Variants in PARD3B observed in about 807,000 individuals in gnomAD.
The protein encoded by PARD3B is partitioning defective 3 homolog B.
A neutral mutation model predicts 130.2 loss-of-function variants in PARD3B; 103 were observed. The ratio of observed to expected loss-of-function variants is 0.79; its 90% CI spans 0.67 to 0.93. PARD3B has a LOEUF of 0.93. Among genes scored for constraint, PARD3B ranks in the 40% least tolerant of loss-of-function variants. PARD3B has a pLI of 0.00. For missense variants in PARD3B, 1,609 were observed against 1,499.2 expected, an observed-to-expected ratio of 1.07 and a Z score of -1.21; for synonymous variants, 583 against 553.2, an observed-to-expected ratio of 1.05 and a Z score of -0.76.
chr2:204,738,256 T>C (rs1344920697), intron 2 of PARD3B, among the ~76,000 whole-genome samples: 1 of 152,206 alleles, frequency 6.6e-6, no homozygotes, highest in African/African-American at 2.4e-5. Context: ...TAGCAGTGTT[T>C]TGTAGTTCTC....
intron 1 of PARD3B, among the ~76,000 whole-genome samples, chr2:204,568,079 A>G (rs2031782608): frequency 6.6e-6 from 1 of 152,360 alleles, no homozygotes; most frequent in African/African-American, 2.4e-5. Context: ...TGACAAATCA[A>G]AAGGGCAAAT....
chr2:205,036,652 A>C (rs1038476964), intron 3 of PARD3B, among the ~76,000 whole-genome samples: 5 of 147,470 alleles, frequency 3.4e-5, no homozygotes, highest in African/African-American at 1.2e-4. Flanking sequence ...AAGTATATAT[A>C]CACAGCGGAC....
intron 2 of PARD3B, among the ~76,000 whole-genome samples, chr2:204,929,391 AT>A (rs1408893554): frequency 6.6e-6 from 1 of 152,126 alleles, no homozygotes; most frequent in Non-Finnish European, 1.5e-5. Context: ...AAGACAGCTT[AT>A]TTGTTGTTAT....
At chr2:204,567,870 A>G (rs2031767021) in intron 1 of PARD3B, among the ~76,000 whole-genome samples, 3 of 152,198 alleles carry the variant, frequency 2.0e-5, no homozygotes, top group Non-Finnish European at 2.9e-5. Flanking sequence ...CTCTGCCAAC[A>G]TTTATTTCTG....
Position 205,515,682 on chromosome 2 carries a change from G to A in PARD3B, c.3180+15651G>A, listed in dbSNP as rs142352098. Among the ~76,000 whole-genome samples, 43 of 152,108 alleles carry A rather than the reference G, an allele frequency of 2.8e-4. No homozygotes were observed. In the East Asian group the frequency reaches 8.3e-3, roughly 29 times the overall value. The stretch of plus-strand genomic sequence containing the variant: ...TGTAAATTTAAGTAAGTTCCTTATA[G>A]ATGCTGGATATTAAACATTTGTCAG... On this transcript the variant is annotated intron_variant, in intron 21 of 22. Transcript: ENST00000406610.
At chr2:204,741,873 G>C (rs560608470) in intron 2 of PARD3B, among the ~76,000 whole-genome samples, 2 of 151,982 alleles carry the variant, frequency 1.3e-5, no homozygotes, top group East Asian at 3.9e-4. Flanking sequence ...TTTCTTAAAG[G>C]ATTCAGCAAA....
chr2:204,642,916 A>G (rs2125155760), intron 1 of PARD3B, among the ~76,000 whole-genome samples: 1 of 151,318 alleles, frequency 6.6e-6, no homozygotes, highest in Admixed American at 6.6e-5. Context: ...GACCAAGACC[A>G]CCCTGGCTAA....
chr2:204,784,018 A>G (rs1020574535), intron 2 of PARD3B, among the ~76,000 whole-genome samples: 1 of 151,980 alleles, frequency 6.6e-6, no homozygotes, highest in East Asian at 1.9e-4. Context: ...TCAGAAGTGT[A>G]TTTTTCTGGA....
intron 2 of PARD3B, among the ~76,000 whole-genome samples, chr2:204,948,983 T>A (rs1287070255): frequency 6.6e-6 from 1 of 152,198 alleles, no homozygotes; most frequent in Non-Finnish European, 1.5e-5. Context: ...GAGTACTTTC[T>A]GAGAAAATGC....
At chr2:204,926,414 C>G (rs1267545041) in intron 2 of PARD3B, among the ~76,000 whole-genome samples, 1 of 152,028 alleles carries the variant, frequency 6.6e-6, no homozygotes, top group Non-Finnish European at 1.5e-5. Context: ...AAAGAAGTTC[C>G]TAGGTGAAAT....
chr2:205,457,066 T>C (rs1167420156), intron 20 of PARD3B, among the ~76,000 whole-genome samples: 1 of 151,428 alleles, frequency 6.6e-6, no homozygotes, highest in Non-Finnish European at 1.5e-5. Flanking sequence ...AGAACTCATG[T>C]TAATTTTTCT....
chr2:204,616,582 C>T (rs2034120959), intron 1 of PARD3B, among the ~76,000 whole-genome samples: 1 of 152,150 alleles, frequency 6.6e-6, no homozygotes, highest in Admixed American at 6.6e-5. Context: ...GCTAAACATA[C>T]CCTGACTGTA....
chr2:204,757,555 C>A (rs1430762928), intron 2 of PARD3B, among the ~76,000 whole-genome samples: 2 of 151,974 alleles, frequency 1.3e-5, no homozygotes, highest in African/African-American at 2.4e-5. Flanking sequence ...TGTAGGTCTT[C>A]TTTTGAGAAG....
intron 20 of PARD3B, among the ~76,000 whole-genome samples, chr2:205,489,054 G>A (rs898713023): frequency 6.6e-6 from 1 of 152,104 alleles, no homozygotes; most frequent in African/African-American, 2.4e-5. Context: ...TGCTTGTTTT[G>A]CAAAGATGTA....
intron 21 of PARD3B, among the ~76,000 whole-genome samples, chr2:205,514,278 A>G (rs991353145): frequency 3.4e-4 from 52 of 152,136 alleles, no homozygotes; most frequent in Non-Finnish European, 6.2e-4. Flanking sequence ...CAGGTAGTCA[A>G]GGTGGGTATT....
intron 2 of PARD3B, among the ~76,000 whole-genome samples, chr2:204,749,621 A>G (rs1305513068): frequency 1.3e-5 from 2 of 152,214 alleles, no homozygotes; most frequent in Non-Finnish European, 2.9e-5. Context: ...CAAAAAAAAG[A>G]TTAGAGATCT....
In PARD3B at chr2:205,146,523, C is replaced by T. The variant is rs1178779808; in HGVS notation, c.1435-12199C>T. On this transcript the variant is annotated intron_variant, in intron 10 of 22. Transcript: ENST00000406610. This position sits in a 1 kb window ranked among gnomAD's most constrained non-coding sequence, Gnocchi z 4.3. ...ACATTTATCTGGGCGTGGTGGCGGG[C>T]GCCTGTAGTCCCAGCTACTCGGGAG... is the stretch of plus-strand genomic sequence containing the variant. Among the ~76,000 whole-genome samples the T allele has an allele frequency of 1.3e-5, 2 of 151,606 alleles. No individual in the cohort carries two copies. The highest frequency in any genetic ancestry group is 2.9e-5 in the Non-Finnish European group (2 of 67,910).
intron 4 of PARD3B, among the ~76,000 whole-genome samples, chr2:205,070,870 G>A (rs1212932524): frequency 6.6e-6 from 1 of 152,090 alleles, no homozygotes; most frequent in Non-Finnish European, 1.5e-5. Context: ...AAGTTTTGCA[G>A]TGTAACAGTT....
At chr2:205,029,237 G>A (rs1697257072) in intron 3 of PARD3B, among the ~76,000 whole-genome samples, 1 of 151,958 alleles carries the variant, frequency 6.6e-6, no homozygotes, top group Admixed American at 6.6e-5. Context: ...TTTGTTTTGG[G>A]TATTAGAGCC....
Sources: allele counts gnomAD v4.1 joint callset (sites outside exome capture counted in the v4.1 genomes callset), GRCh38; gene constraint gnomAD v4.1.1; non-coding constraint Gnocchi (gnomAD v3.1); transcripts MANE v1.5; gene names NCBI Gene and HGNC (gene_info 2026-07-23, HGNC 2026-07-21).